Variants in CARM1 observed in about 807,000 individuals in gnomAD.
The protein encoded by CARM1 is histone-arginine methyltransferase CARM1.
Under a neutral mutation model 72.7 loss-of-function variants are expected in CARM1, and 14 were observed. That is an observed-to-expected ratio of 0.19 (90% confidence interval 0.13 to 0.30). The LOEUF is 0.30. CARM1 is among the 10% of genes least tolerant of loss of function. CARM1 has a pLI of 1.00. For synonymous variants in CARM1, 333 were observed against 345.5 expected (o/e 0.96, Z 0.40); for missense variants, 432 against 833.7 (o/e 0.52, Z 5.93).
In CARM1 at chr19:10,916,833, T is replaced by C; in HGVS notation, c.1020+56T>C. 7.7e-7 allele frequency: 1 copy of C among 1,302,878 alleles called. No individual in the cohort carries two copies. Among genetic ancestry groups the C allele is most frequent in the South Asian group, 1.3e-5 (1 of 76,880 alleles). 80.7% of individuals were successfully genotyped at this position (1,302,878 alleles called of 1,614,324 possible). A position where few individuals can be genotyped will look rare whatever the true frequency, so the allele number is the denominator to read the frequency against. The stretch of plus-strand genomic sequence containing the variant: ...TGATCACTTGCCATTGCTGTGCAGC[T>C]GTGCAGCCCTCAGGAAGCTACAGCC... On this transcript the variant is annotated intron_variant, in intron 8 of 15. Transcript: ENST00000327064. The surrounding 1 kb of genome is among the most constrained non-coding windows in gnomAD (Gnocchi z 4.4).
intron 1 of CARM1, among the ~76,000 whole-genome samples, chr19:10,873,807 T>A (rs1204682198): frequency 6.6e-6 from 1 of 151,362 alleles, no homozygotes; most frequent in African/African-American, 2.4e-5. Context: ...GCCCGGCTAA[T>A]TTTTTGTGTT....
intron 1 of CARM1, among the ~76,000 whole-genome samples, chr19:10,890,441 T>C (rs982308194): frequency 4.0e-5 from 6 of 151,704 alleles, no homozygotes; most frequent in African/African-American, 1.4e-4. Context: ...CTAATTTTTG[T>C]ATTTTTAGTA....
At chr19:10,879,699 A>G (rs963933933) in intron 1 of CARM1, among the ~76,000 whole-genome samples, 1 of 152,050 alleles carries the variant, frequency 6.6e-6, no homozygotes. Context: ...TGCAACCTCT[A>G]GCCTCCCAGG....
rs1229236256 is a variant in CARM1, at chr19:10,898,725, C to T, written c.221-6226C>T. ...TGTGCGTCCCGGGCCCCAAGGCTCC[C>T]TTCTACCCTCCTCCTGGGGTGCTGT... is the stretch of plus-strand genomic sequence containing the variant. On this transcript the variant is annotated intron_variant, in intron 1 of 15. Coordinates refer to ENST00000327064, the MANE Select transcript of CARM1 (RefSeq NM_199141.2). Among the ~76,000 whole-genome samples, 5 of 152,330 alleles carry T rather than the reference C, an allele frequency of 3.3e-5. No individual in the cohort carries two copies. In the East Asian group the frequency reaches 9.7e-4, roughly 29 times the overall value.
rs55667142 is a variant in CARM1 at position 10,920,123 on chromosome 19, GGTGTGTGTGTGT to G, written c.1196+166_1196+177del. On this transcript the variant is annotated intron_variant, in intron 10 of 15. Transcript: ENST00000327064. This position sits in a 1 kb window ranked among gnomAD's most constrained non-coding sequence, Gnocchi z 5.3. The stretch of plus-strand genomic sequence containing the variant: ...CGGAGCAAGAGACTGTTGTGGGTGG[GGTGTGTGTGTGT>G]GTGTGTGTATGTGTGTGTGTGTCCT... Among the ~76,000 whole-genome samples the G allele has an allele frequency of 4.0e-5, 6 of 149,934 alleles. 1 individual carries two copies. The highest frequency in any genetic ancestry group is 4.0e-4 in the Admixed American group (6 of 15,068).
At chr19:10,886,759 C>T (rs1000590395) in intron 1 of CARM1, among the ~76,000 whole-genome samples, 2 of 151,888 alleles carry the variant, frequency 1.3e-5, no homozygotes, top group Non-Finnish European at 2.9e-5. Context: ...TGAACCTGGG[C>T]AGCAGGAGTT....
Position 10,921,616 on chromosome 19 carries a change from G to T in CARM1, c.1686G>T (p.Gly562=), listed in dbSNP as rs564017314. 1 of 1,610,418 alleles carries T rather than the reference G, an allele frequency of 6.2e-7. No homozygotes were observed. Among genetic ancestry groups the T allele is most frequent in the Admixed American group, 1.7e-5 (1 of 59,736 alleles). ...GSIMSTGIVQ[G]SSGAQGSGGG... ...TCACTGCCATTGCCTGCTCCACAGGGTCCTCCGGCGCCCAGGGCAGTGGTG... is the reference window on the plus strand; with the variant it reads ...TCACTGCCATTGCCTGCTCCACAGGTTCCTCCGGCGCCCAGGGCAGTGGTG... Residue 562 remains glycine (G), a splice_region_variant and synonymous_variant, in exon 16 of 16, where the codon GGG becomes GGT. Coordinates refer to ENST00000327064, the MANE Select transcript of CARM1 (RefSeq NM_199141.2).
chr19:10,882,990 G>T (rs1314306122), intron 1 of CARM1, among the ~76,000 whole-genome samples: 2 of 152,148 alleles, frequency 1.3e-5, no homozygotes, highest in Admixed American at 6.5e-5. Context: ...CTGCAAAGGA[G>T]GGGGACCCAG....
At chr19:10,888,287 C>A (rs1568347678) in intron 1 of CARM1, among the ~76,000 whole-genome samples, 1 of 152,140 alleles carries the variant, frequency 6.6e-6, no homozygotes, top group African/African-American at 2.4e-5. Flanking sequence ...ACCTGGGGTC[C>A]CCTGAGCGTG....
chr19:10,890,776 T>C (rs4804545), intron 1 of CARM1, among the ~76,000 whole-genome samples: 24,575 of 45,254 alleles, frequency 0.54, 5,888 homozygotes, highest in African/African-American at 0.59. Flanking sequence ...CACACACACA[T>C]ATATATATAT....
intron 1 of CARM1, among the ~76,000 whole-genome samples, chr19:10,900,808 C>T (rs979643831): frequency 6.6e-6 from 1 of 151,942 alleles, no homozygotes; most frequent in African/African-American, 2.4e-5. Context: ...CTCAGCCTCC[C>T]GAGTAGCTGG....
intron 1 of CARM1, among the ~76,000 whole-genome samples, chr19:10,883,621 T>A (rs1244016108): frequency 6.6e-6 from 1 of 152,204 alleles, no homozygotes; most frequent in African/African-American, 2.4e-5. Context: ...GGTGCGATCA[T>A]AGCTCACTGT....
chr19:10,900,770 G>A (rs916729286), intron 1 of CARM1, among the ~76,000 whole-genome samples: 4 of 151,786 alleles, frequency 2.6e-5, no homozygotes, highest in Admixed American at 2.0e-4. Context: ...CGCAAGCTCC[G>A]CCTCCCAGGT....
At chr19:10,878,974 T>A (rs2073882465) in intron 1 of CARM1, among the ~76,000 whole-genome samples, 1 of 152,052 alleles carries the variant, frequency 6.6e-6, no homozygotes, top group Non-Finnish European at 1.5e-5. Context: ...GGCTGGCTAA[T>A]TTTTGTATTT....
chr19:10,896,704 C>T lies in CARM1; in HGVS notation c.221-8247C>T, dbSNP rs1383001201. On this transcript the variant is annotated intron_variant, in intron 1 of 15. Transcript: ENST00000327064. The surrounding 1 kb of genome is among the most constrained non-coding windows in gnomAD (Gnocchi z 5.2). ...TTCCCTGCGTTCCTGCACTCTTCCC[C>T]TTACTGGCATATCTGTCCCCAGTCT... Among the ~76,000 whole-genome samples, 1 of 152,214 alleles carries T rather than the reference C, an allele frequency of 6.6e-6. No homozygotes were observed. Among genetic ancestry groups the T allele is most frequent in the Non-Finnish European group, 1.5e-5 (1 of 68,042 alleles).
intron 1 of CARM1, among the ~76,000 whole-genome samples, chr19:10,885,206 C>T (rs1427383216): frequency 1.3e-5 from 2 of 152,232 alleles, no homozygotes; most frequent in South Asian, 2.1e-4. Context: ...TCCCCTGCTG[C>T]CAGGCGGGGC....
chr19:10,901,234 C>T (rs1048995382), intron 1 of CARM1, among the ~76,000 whole-genome samples: 3 of 152,100 alleles, frequency 2.0e-5, no homozygotes, highest in Non-Finnish European at 1.5e-5. Context: ...CTGCCTGCCT[C>T]GGCCTCCCAA....
In CARM1 at chr19:10,916,597, C is replaced by T; in HGVS notation, c.939-99C>T. The T allele has an allele frequency of 7.2e-7, 1 of 1,392,754 alleles. No individual in the cohort carries two copies. The highest frequency in any genetic ancestry group is 1.2e-5 in the South Asian group (1 of 82,242). 86.3% of individuals were successfully genotyped at this position (1,392,754 alleles called of 1,614,324 possible). On this transcript the variant is annotated intron_variant, in intron 7 of 15. Transcript: ENST00000327064. This position sits in a 1 kb window ranked among gnomAD's most constrained non-coding sequence, Gnocchi z 4.4. Reference sequence around the variant, plus strand: ...CCTGCACTCCTCTTTTTCTGAAAGACTTGGGCTAGATGAGGGCTGACTGGG... The same window carrying T: ...CCTGCACTCCTCTTTTTCTGAAAGATTTGGGCTAGATGAGGGCTGACTGGG...
At position 10,923,068 on chromosome 19, in the gene CARM1, T is replaced by A. The variant is rs763979510; in HGVS notation, c.*1311T>A. On this transcript the variant is annotated 3_prime_UTR_variant, in exon 16 of 16. Coordinates refer to ENST00000327064, the MANE Select transcript of CARM1 (RefSeq NM_199141.2). ...ATAGAAAATAAAAGTGTTTGCTTTG[T>A]AAGAAAAGTCTGGAAAGTAGCAGAA... 2 of 510,820 alleles carry A rather than the reference T, an allele frequency of 3.9e-6. No individual in the cohort carries two copies. The highest frequency in any genetic ancestry group is 6.8e-6 in the Non-Finnish European group (2 of 293,346). 31.6% of individuals were successfully genotyped at this position (510,820 alleles called of 1,614,324 possible). A position where few individuals can be genotyped will look rare whatever the true frequency, so the allele number is the denominator to read the frequency against.
Sources: allele counts gnomAD v4.1 joint callset (sites outside exome capture counted in the v4.1 genomes callset), GRCh38; gene constraint gnomAD v4.1.1; non-coding constraint Gnocchi (gnomAD v3.1); transcripts MANE v1.5; gene names NCBI Gene and HGNC (gene_info 2026-07-23, HGNC 2026-07-21).